Variants in ELMO1 observed in about 807,000 individuals in gnomAD.
ELMO1 encodes the protein engulfment and cell motility protein 1.
A neutral mutation model predicts 98.9 loss-of-function variants in ELMO1; 26 were observed. The observed-to-expected ratio is 0.26, with a 90% CI of 0.19 to 0.36. ELMO1 has a LOEUF of 0.36. Ranked by LOEUF, ELMO1 falls within the 10% of genes least tolerant of loss-of-function variation. The pLI is 1.00. For synonymous variants in ELMO1, 346 were observed against 346.0 expected (o/e 1.00, Z 0.00); for missense variants, 627 against 935.2 (o/e 0.67, Z 4.30).
intron 16 of ELMO1, among the ~76,000 whole-genome samples, chr7:37,009,696 T>G (rs181758125): frequency 1.3e-5 from 2 of 152,358 alleles, no homozygotes; most frequent in Admixed American, 1.3e-4. Flanking sequence ...GTCTCAGGGT[T>G]GACAAATAAA....
At chr7:37,338,087 A>G (rs1364896582) in intron 2 of ELMO1, among the ~76,000 whole-genome samples, 1 of 152,224 alleles carries the variant, frequency 6.6e-6, no homozygotes, top group African/African-American at 2.4e-5. Context: ...AAACCAGAGT[A>G]CCTAATTTTC....
At chr7:37,347,794 C>T (rs544608864) in intron 1 of ELMO1, among the ~76,000 whole-genome samples, 3 of 152,192 alleles carry the variant, frequency 2.0e-5, no homozygotes, top group South Asian at 2.1e-4. Flanking sequence ...GGCAGATTAC[C>T]GATGATCAGG....
chr7:37,109,329 A>G (rs1015938454), intron 14 of ELMO1, among the ~76,000 whole-genome samples: 1 of 152,234 alleles, frequency 6.6e-6, no homozygotes, highest in African/African-American at 2.4e-5. Context: ...GAATGTGTGA[A>G]AAATGTCCTT....
At chr7:37,433,179 C>T (rs759623402) in intron 1 of ELMO1, among the ~76,000 whole-genome samples, 4 of 152,208 alleles carry the variant, frequency 2.6e-5, no homozygotes, top group African/African-American at 9.6e-5. Flanking sequence ...AGGGCCCTTA[C>T]TCAAAGACGA....
intron 15 of ELMO1, among the ~76,000 whole-genome samples, chr7:37,048,125 T>C: frequency 6.6e-6 from 1 of 152,206 alleles, no homozygotes; most frequent in Non-Finnish European, 1.5e-5. Context: ...AGCTGGTTAA[T>C]TCTTTGTTGA....
At position 36,975,807 on chromosome 7, in the gene ELMO1, C is replaced by T. The variant is rs192359069; in HGVS notation, c.1437+37492G>A. On this transcript the variant is annotated intron_variant, in intron 16 of 21. Coordinates refer to ENST00000310758, the MANE Select transcript of ELMO1 (RefSeq NM_014800.11). ...GGTTGCAGTGAGCCGAGATCGTACC[C>T]CTGCACTCCAGCCTGGGCAACAGAG... 1.3e-5 allele frequency among the ~76,000 whole-genome samples: 2 copies of T among 149,484 alleles called. 1 individual carries two copies. Among genetic ancestry groups the T allele is most frequent in the Admixed American group, 1.3e-4 (2 of 15,022 alleles).
intron 15 of ELMO1, among the ~76,000 whole-genome samples, chr7:37,036,984 C>A (rs559730815): frequency 1.8e-4 from 27 of 152,016 alleles, no homozygotes; most frequent in Admixed American, 5.2e-4. Context: ...AATGAAGTGG[C>A]CAGTGTAAAT....
At chr7:37,325,517 T>G (rs1186944685) in intron 2 of ELMO1, among the ~76,000 whole-genome samples, 1 of 152,168 alleles carries the variant, frequency 6.6e-6, no homozygotes, top group African/African-American at 2.4e-5. Flanking sequence ...TCCTCCACCC[T>G]TCTGTCCAGC....
At chr7:37,112,286 C>T (rs1785296236) in intron 14 of ELMO1, among the ~76,000 whole-genome samples, 1 of 151,896 alleles carries the variant, frequency 6.6e-6, no homozygotes, top group Non-Finnish European at 1.5e-5. Flanking sequence ...AAACTAAGTG[C>T]TATAAAGGGA....
At chr7:37,325,606 A>T (rs1313430307) in intron 2 of ELMO1, among the ~76,000 whole-genome samples, 1 of 152,062 alleles carries the variant, frequency 6.6e-6, no homozygotes, top group East Asian at 1.9e-4. Flanking sequence ...ATTAAAAAGC[A>T]TTTCTCCAGT....
intron 13 of ELMO1, chr7:37,197,029 T>C (rs1347017901): frequency 6.6e-6 from 1 of 152,188 alleles, no homozygotes; most frequent in Non-Finnish European, 1.5e-5. Context: ...TCTAGCCAGT[T>C]TGGTAATGTA....
intron 4 of ELMO1, among the ~76,000 whole-genome samples, chr7:37,282,507 T>A (rs779764349): frequency 9.8e-4 from 150 of 152,292 alleles, no homozygotes; most frequent in Non-Finnish European, 1.7e-3. Context: ...CTGAGGGCAA[T>A]ATATGATACG....
chr7:37,379,383 C>T (rs947148466), intron 1 of ELMO1, among the ~76,000 whole-genome samples: 3 of 152,134 alleles, frequency 2.0e-5, no homozygotes, highest in East Asian at 3.9e-4. Context: ...CCACTAAGAT[C>T]TTCCTTGAAG....
At chr7:37,417,980 G>A (rs1272204913) in intron 1 of ELMO1, among the ~76,000 whole-genome samples, 3 of 152,186 alleles carry the variant, frequency 2.0e-5, no homozygotes, top group Non-Finnish European at 4.4e-5. Context: ...GGCAAGGAAA[G>A]ACCCTCCCCT....
chr7:37,266,035 A>C (rs540427715), intron 5 of ELMO1, among the ~76,000 whole-genome samples: 81 of 152,200 alleles, frequency 5.3e-4, no homozygotes, highest in African/African-American at 1.8e-3. Context: ...CATCTCCTGA[A>C]CCTGCAAGAA....
At chr7:37,322,946 C>T (rs941741739) in intron 2 of ELMO1, among the ~76,000 whole-genome samples, 22 of 152,114 alleles carry the variant, frequency 1.4e-4, no homozygotes, top group African/African-American at 5.3e-4. Flanking sequence ...TTCTCAGACT[C>T]AACAGTGAGC....
At chr7:37,246,373 C>T (rs1223447470) in intron 6 of ELMO1, among the ~76,000 whole-genome samples, 1 of 152,146 alleles carries the variant, frequency 6.6e-6, no homozygotes, top group South Asian at 2.1e-4. Flanking sequence ...TGTCTCCCTA[C>T]AAACTTTTCA....
chr7:37,296,353 A>C (rs1798026101), intron 4 of ELMO1, among the ~76,000 whole-genome samples: 1 of 151,884 alleles, frequency 6.6e-6, no homozygotes, highest in South Asian at 2.1e-4. Context: ...AGCCCTCTCC[A>C]CAACATGGCA....
At chr7:37,350,372 T>C (rs2724016) in intron 1 of ELMO1, among the ~76,000 whole-genome samples, 140,421 of 152,232 alleles carry the variant, frequency 0.92, 64,951 homozygotes, top group Non-Finnish European at 0.96. Context: ...TGCAATATAA[T>C]GGAAACTTGC....
Sources: gnomAD v4.1 joint callset for allele counts (sites outside exome capture counted in the v4.1 genomes callset) on GRCh38, gnomAD v4.1.1 for gene constraint, MANE v1.5 for transcripts, NCBI Gene and HGNC (gene_info 2026-07-23, HGNC 2026-07-21) for gene names.